Variants in ERICH3 observed in about 807,000 individuals in gnomAD.
ERICH3 encodes glutamate rich 3, also known as glutamate-rich protein 3.
In ERICH3, 126 loss-of-function variants were observed where a neutral mutation model predicts 131.1. The ratio of observed to expected loss-of-function variants is 0.96; its 90% CI spans 0.83 to 1.11. The LOEUF (loss-of-function observed/expected upper bound fraction) is 1.11. ERICH3 is among the 50% of genes most tolerant of loss of function. ERICH3 has a pLI of 0.00. For missense variants in ERICH3, 2,050 were observed against 1,810.7 expected (o/e 1.13, Z -2.40); for synonymous variants, 695 against 644.6 (o/e 1.08, Z -1.18).
chr1:74,673,394 G>T, intron 1 of ERICH3, 103 bp downstream of exon 1: 1 of 1,415,432 alleles, frequency 7.1e-7, no homozygotes, highest in Non-Finnish European at 9.8e-7. Flanking sequence ...CCTCCCCCTC[G>T]CTCCCCTCTC....
At chr1:74,591,177 G>C (rs1245409509) in intron 11 of ERICH3, among the ~76,000 whole-genome samples, 1 of 152,126 alleles carries the variant, frequency 6.6e-6, no homozygotes, top group African/African-American at 2.4e-5. Context: ...CTTATTTTGA[G>C]CTCTGCAGAA....
intron 12 of ERICH3, chr1:74,579,748 A>G: frequency 1.0e-6 from 1 of 985,406 alleles, no homozygotes; most frequent in African/African-American, 1.7e-5. Context: ...CAGCAATGTG[A>G]CATATCACTT....
intron 10 of ERICH3, 57 bp downstream of exon 10, chr1:74,606,544 T>G: frequency 6.6e-7 from 1 of 1,510,020 alleles, no homozygotes; most frequent in South Asian, 1.3e-5. Flanking sequence ...TCATCACATT[T>G]CAAAGACAAA....
chr1:74,670,935 T>C (rs2100663506), intron 1 of ERICH3, among the ~76,000 whole-genome samples: 1 of 152,240 alleles, frequency 6.6e-6, no homozygotes, highest in East Asian at 1.9e-4. Flanking sequence ...AAACAGCTGC[T>C]CTGGGAGTGT....
chr1:74,576,789 T>A, intron 13 of ERICH3, 106 bp downstream of exon 13: 1 of 996,070 alleles, frequency 1.0e-6, no homozygotes, highest in African/African-American at 1.6e-5. Flanking sequence ...ATTCAATAAA[T>A]ACTAGAAAGC....
chr1:74,620,684 C>G, intron 8 of ERICH3, 50 bp downstream of exon 8: 2 of 1,425,056 alleles, frequency 1.4e-6, no homozygotes, highest in Non-Finnish European at 1.9e-6. Flanking sequence ...AGCAGCTTAT[C>G]TATAACATCA....
At chr1:74,663,800 AG>A (rs1221152358) in intron 1 of ERICH3, among the ~76,000 whole-genome samples, 2 of 151,996 alleles carry the variant, frequency 1.3e-5, no homozygotes, top group Non-Finnish European at 2.9e-5. Flanking sequence ...ACCTACCTGT[AG>A]GACTACTCAT....
intron 7 of ERICH3, among the ~76,000 whole-genome samples, chr1:74,631,219 T>C (rs897622614): frequency 6.6e-6 from 1 of 152,130 alleles, no homozygotes; most frequent in African/African-American, 2.4e-5. Flanking sequence ...GGCCTTAAAA[T>C]TGTTTCTTCT....
Position 74,572,887 on chromosome 1 carries a change from A to G in ERICH3, c.2823T>C (p.Asp941=). The part of the protein sequence containing the change: ...GEAEGGVAVS[D]VGESEEEASI... ...ATGCTTCCTCTTCACTTTCTCCGAC[A>G]TCACTCACAGCCACCCCACCCTCAG... Residue 941 remains aspartate, a synonymous_variant, in exon 14 of 15, where the codon GAT becomes GAC. Transcript: ENST00000326665. The G allele has an allele frequency of 1.2e-6, 2 of 1,613,608 alleles. No individual in the cohort carries two copies. The highest frequency in any genetic ancestry group is 1.1e-5 in the South Asian group (1 of 91,054).
chr1:74,598,173 A>G (rs1379962027), intron 11 of ERICH3, among the ~76,000 whole-genome samples: 1 of 151,828 alleles, frequency 6.6e-6, no homozygotes, highest in Non-Finnish European at 1.5e-5. Context: ...ATACTTTCTT[A>G]TATTTCTGAA....
chr1:74,673,463 G>A (rs1316279116), intron 1 of ERICH3, 34 bp downstream of exon 1: 1 of 1,609,668 alleles, frequency 6.2e-7, no homozygotes, highest in Admixed American at 1.7e-5. Context: ...GCCGCCACCT[G>A]CCACAGCGTG....
rs1473280047 is a variant in ERICH3, at chr1:74,631,890, G to T, written c.642C>A (p.Gly214=). 1.2e-6 allele frequency: 2 copies of T among 1,613,088 alleles called. No individual in the cohort carries two copies. The highest frequency in any genetic ancestry group is 1.7e-6 in the Non-Finnish European group (2 of 1,179,408). ...KAVMKFRNSI[G]NSQRMNSYQL... The stretch of plus-strand genomic sequence containing the variant: ...GATATGAATTCATTCTCTGTGAATT[G>T]CCTATGGAGTTCCTGAACTTCATCA... Residue 214 remains glycine (G), a synonymous_variant, in exon 7 of 15, where the codon GGC becomes GGA. Coordinates refer to ENST00000326665, the MANE Select transcript of ERICH3 (RefSeq NM_001002912.5).
chr1:74,659,005 A>G (rs552851449), intron 1 of ERICH3, among the ~76,000 whole-genome samples: 3 of 152,342 alleles, frequency 2.0e-5, no homozygotes, highest in African/African-American at 7.2e-5. Flanking sequence ...AATGAACCAC[A>G]TATACATTTG....
At chr1:74,655,952 C>T (rs935055754) in intron 1 of ERICH3, among the ~76,000 whole-genome samples, 1 of 152,156 alleles carries the variant, frequency 6.6e-6, no homozygotes, top group African/African-American at 2.4e-5. Context: ...AGGGCCTTCT[C>T]CCTTCTCACT....
chr1:74,639,042 C>T (rs1646415838), intron 5 of ERICH3, among the ~76,000 whole-genome samples: 1 of 152,116 alleles, frequency 6.6e-6, no homozygotes, highest in Admixed American at 6.5e-5. Flanking sequence ...AGTGGATTGA[C>T]TAAAGCAGGA....
intron 1 of ERICH3, among the ~76,000 whole-genome samples, chr1:74,671,820 C>A (rs984231351): frequency 1.3e-5 from 2 of 152,186 alleles, no homozygotes; most frequent in Non-Finnish European, 2.9e-5. Context: ...ATTCAGCACA[C>A]ATTTGTTGAG....
intron 6 of ERICH3, among the ~76,000 whole-genome samples, chr1:74,633,042 T>G (rs1646355710): frequency 6.6e-6 from 1 of 151,878 alleles, no homozygotes; most frequent in Admixed American, 6.6e-5. Flanking sequence ...TTATTTCTAT[T>G]TCTACAATAT....
chr1:74,641,442 CCTT>C lies in ERICH3; in HGVS notation c.330_332del (p.Arg111del). 1.9e-6 allele frequency: 3 copies of C among 1,611,218 alleles called. No individual in the cohort carries two copies. In the South Asian group the frequency reaches 3.3e-5, roughly 18 times the overall value. ...GGATTGGCATGTTATTTTCAACAGA[CCTT>C]CTTGTGTGCTCTCCCTAGAATAAGA... On this transcript the variant is annotated inframe_deletion, in exon 5 of 15. Coordinates refer to ENST00000326665, the MANE Select transcript of ERICH3 (RefSeq NM_001002912.5).
intron 8 of ERICH3, among the ~76,000 whole-genome samples, chr1:74,614,675 TAAA>T (rs564728508): frequency 2.8e-5 from 3 of 108,286 alleles, no homozygotes; most frequent in African/African-American, 6.8e-5. Context: ...AGACTCCGTC[TAAA>T]AAAAAAAAAA....
Sources: gnomAD v4.1 joint callset for allele counts (sites outside exome capture counted in the v4.1 genomes callset) on GRCh38, gnomAD v4.1.1 for gene constraint, MANE v1.5 for transcripts, NCBI Gene and HGNC (gene_info 2026-07-23, HGNC 2026-07-21) for gene names.